AOAH: variants seen among roughly 807,000 people sequenced by gnomAD.
AOAH encodes the protein acyloxyacyl hydrolase.
In AOAH, 64 loss-of-function variants were observed where a neutral mutation model predicts 92.2. That is an observed-to-expected ratio of 0.69 (90% CI 0.57 to 0.86). AOAH has a LOEUF of 0.86. Ranked by LOEUF, AOAH falls within the 40% of genes least tolerant of loss-of-function variation. The pLI, the probability that AOAH is intolerant of heterozygous loss-of-function variation, is 0.00. For synonymous variants in AOAH, 263 were observed against 254.5 expected (o/e 1.03, Z -0.32); for missense variants, 656 against 694.6 (o/e 0.94, Z 0.62).
In AOAH at chr7:36,620,821, T is replaced by C; in HGVS notation, c.662A>G (p.Asn221Ser). ...GTTTGAATCCTGATGGACATCCCAG[T>C]TGTTCGGCCTAAGAAAAAAACATTA... ...ESVYPGRRPN[N>S]WDVHQDSNCN... The change falls in exon 9 of 21, where the codon AAC becomes AGC. Residue 221 changes from asparagine to serine, a missense_variant. Coordinates refer to ENST00000617537, the MANE Select transcript of AOAH (RefSeq NM_001637.4). 6.2e-7 allele frequency: 1 copy of C among 1,613,972 alleles called. No individual in the cohort carries two copies. The highest frequency in any genetic ancestry group is 8.5e-7 in the Non-Finnish European group (1 of 1,179,926).
intron 8 of AOAH, 143 bp downstream of exon 8, chr7:36,621,567 T>C: frequency 2.4e-6 from 2 of 838,628 alleles, no homozygotes; most frequent in Non-Finnish European, 3.9e-6. Context: ...CCGTTCTTTT[T>C]TCACTGAGCT....
intron 19 of AOAH, 30 bp from the exon 20 acceptor site, chr7:36,522,145 A>G: frequency 6.2e-7 from 1 of 1,603,016 alleles, no homozygotes; most frequent in South Asian, 1.1e-5. Context: ...AGGGTTACAG[A>G]CACACTTGCA....
At chr7:36,720,116 A>G (rs555751453) in intron 1 of AOAH, among the ~76,000 whole-genome samples, 1 of 151,920 alleles carries the variant, frequency 6.6e-6, no homozygotes, top group African/African-American at 2.4e-5. Context: ...ATATTCAGGT[A>G]GAAATGTTTC....
chr7:36,518,014 C>A (rs751063884), intron 20 of AOAH, among the ~76,000 whole-genome samples: 2 of 151,866 alleles, frequency 1.3e-5, no homozygotes, highest in Non-Finnish European at 2.9e-5. Context: ...ATTTTGTAAT[C>A]TGCTCTTATT....
chr7:36,628,431 T>C (rs1792828897), intron 6 of AOAH, among the ~76,000 whole-genome samples: 1 of 152,194 alleles, frequency 6.6e-6, no homozygotes, highest in South Asian at 2.1e-4. Flanking sequence ...GTTTTCCTGG[T>C]AAAGTGGTGC....
At chr7:36,528,340 T>C (rs1784509793) in intron 19 of AOAH, among the ~76,000 whole-genome samples, 1 of 152,236 alleles carries the variant, frequency 6.6e-6, no homozygotes, top group Non-Finnish European at 1.5e-5. Flanking sequence ...TTTTTCACTG[T>C]GTTTATTATT....
At position 36,548,622 on chromosome 7, in the gene AOAH, C is replaced by T. The variant is rs747140145; in HGVS notation, c.1123G>A (p.Val375Ile). The T allele has an allele frequency of 3.7e-6, 6 of 1,613,530 alleles. No individual in the cohort carries two copies. Among genetic ancestry groups the T allele is most frequent in the Admixed American group, 1.7e-5 (1 of 59,994 alleles). Residue 375 changes from valine (V) to isoleucine (I), a missense_variant, in exon 15 of 21, where the codon GTC becomes ATC. Transcript: ENST00000617537. ...TTCTCAATAACTCACCCACTGCAGACATCATTTCCAATCATGGCATATATA... is the reference window on the plus strand; with the variant it reads ...TTCTCAATAACTCACCCACTGCAGATATCATTTCCAATCATGGCATATATA... Reference protein sequence around the residue: ...IVIYAMIGNDVCSGKSDPVPA... With the variant: ...IVIYAMIGNDICSGKSDPVPA...
chr7:36,525,283 A>G (rs1784346056), intron 19 of AOAH, among the ~76,000 whole-genome samples: 1 of 152,248 alleles, frequency 6.6e-6, no homozygotes, highest in African/African-American at 2.4e-5. Flanking sequence ...AATCCACAGT[A>G]GAAAGCAAAT....
At chr7:36,606,706 C>G (rs1791028449) in intron 11 of AOAH, among the ~76,000 whole-genome samples, 1 of 152,124 alleles carries the variant, frequency 6.6e-6, no homozygotes, top group African/African-American at 2.4e-5. Flanking sequence ...TCCACCTCCT[C>G]TTCTTTTTCA....
chr7:36,557,773 G>A (rs1429619112), intron 13 of AOAH, among the ~76,000 whole-genome samples: 6 of 152,066 alleles, frequency 3.9e-5, no homozygotes, highest in African/African-American at 7.2e-5. Context: ...CCAGTTGATT[G>A]CATCGGCTCC....
intron 10 of AOAH, among the ~76,000 whole-genome samples, chr7:36,617,594 A>C (rs980212682): frequency 2.0e-5 from 3 of 152,202 alleles, no homozygotes; most frequent in African/African-American, 7.2e-5. Context: ...GAATGAGTGA[A>C]TGAATGAATG....
In AOAH at chr7:36,532,183, C is replaced by T; in HGVS notation, c.1389G>A (p.Met463Ile). The change falls in exon 18 of 21, where the codon ATG becomes ATA. Residue 463 changes from methionine to isoleucine, a missense_variant. Transcript: ENST00000617537. ...GAGTCCGCAACGTCTTGTTGGAAGA[C>T]ATCCAGCCGTGGCAGGGGCTGACCT... Reference protein sequence around the residue: ...CLQVSPCHGWMSSNKTLRTLT... With the variant: ...CLQVSPCHGWISSNKTLRTLT... The T allele has an allele frequency of 6.2e-7, 1 of 1,614,230 alleles. No individual in the cohort carries two copies. The highest frequency in any genetic ancestry group is 8.5e-7 in the Non-Finnish European group (1 of 1,180,036).
intron 3 of AOAH, among the ~76,000 whole-genome samples, chr7:36,673,544 G>C (rs1796056673): frequency 1.3e-5 from 2 of 151,756 alleles, no homozygotes; most frequent in Admixed American, 1.3e-4. Flanking sequence ...CTCAGGAAAA[G>C]AAAAAAGGAA....
chr7:36,675,809 C>T (rs1430725040), intron 2 of AOAH, among the ~76,000 whole-genome samples: 2 of 152,066 alleles, frequency 1.3e-5, no homozygotes, highest in Non-Finnish European at 2.9e-5. Context: ...TGGGATTTAT[C>T]CCAGGAATGC....
chr7:36,525,462 AT>A lies in AOAH; in HGVS notation c.1523-3348del, dbSNP rs1361569352. Among the ~76,000 whole-genome samples the A allele has an allele frequency of 3.3e-5, 5 of 152,254 alleles. No homozygotes were observed. The East Asian group carries it at 7.7e-4, about 24-fold the overall frequency. On this transcript the variant is annotated intron_variant, in intron 19 of 20. Transcript: ENST00000617537. Reference sequence around the variant, plus strand: ...GTAATTCTAGGCTATTTTCATTTTGATTTGCATTTTTTGTGTGTTACTAATT... The same window carrying A: ...GTAATTCTAGGCTATTTTCATTTTGATTGCATTTTTTGTGTGTTACTAATT...
chr7:36,532,318 C>G lies in AOAH; in HGVS notation c.1333G>C (p.Ala445Pro), dbSNP rs769927659. 6.2e-7 allele frequency: 1 copy of G among 1,614,116 alleles called. No homozygotes were observed. The highest frequency in any genetic ancestry group is 8.5e-7 in the Non-Finnish European group (1 of 1,180,034). The change falls in exon 17 of 21, where the codon GCG becomes CCG. Residue 445 changes from alanine (A) to proline (P), a missense_variant. By Grantham distance (27) the Ala-to-Pro change is conservative (BLOSUM62 -1). Coordinates refer to ENST00000617537, the MANE Select transcript of AOAH (RefSeq NM_001637.4). ...CAGTTCAGGAAGGAGTACAACTGCGCATAGGTCATGTCTTTATTTAGCTGG... is the reference window on the plus strand; with the variant it reads ...CAGTTCAGGAAGGAGTACAACTGCGGATAGGTCATGTCTTTATTTAGCTGG... ...LGQLNKDMTY[A>P]QLYSFLNCLQ...
chr7:36,668,227 G>A (rs1399558260), intron 3 of AOAH, among the ~76,000 whole-genome samples: 1 of 152,112 alleles, frequency 6.6e-6, no homozygotes, highest in Non-Finnish European at 1.5e-5. Flanking sequence ...TAACTACTAT[G>A]AGAAATCAGT....
At chr7:36,655,385 G>T (rs779693031) in intron 4 of AOAH, among the ~76,000 whole-genome samples, 4 of 151,428 alleles carry the variant, frequency 2.6e-5, no homozygotes, top group Non-Finnish European at 5.9e-5. Context: ...CCATTGACAT[G>T]AGCTTGAGGG....
At chr7:36,591,827 T>A (rs1441141567) in intron 12 of AOAH, among the ~76,000 whole-genome samples, 1 of 152,106 alleles carries the variant, frequency 6.6e-6, no homozygotes, top group Non-Finnish European at 1.5e-5. Context: ...AAGTTTAGAT[T>A]TAGGAAATAC....
Sources: gnomAD v4.1 joint callset for allele counts (sites outside exome capture counted in the v4.1 genomes callset) on GRCh38, gnomAD v4.1.1 for gene constraint, MANE v1.5 for transcripts, NCBI Gene and HGNC (gene_info 2026-07-23, HGNC 2026-07-21) for gene names.